SERGEF: variants seen among roughly 807,000 people sequenced by gnomAD.
SERGEF encodes secretion-regulating guanine nucleotide exchange factor.
Under a neutral mutation model 50.0 loss-of-function variants are expected in SERGEF, and 51 were observed. The ratio of observed to expected loss-of-function variants is 1.02; its 90% CI spans 0.81 to 1.29. The LOEUF (loss-of-function observed/expected upper bound fraction) is 1.29, where lower values mean the gene tolerates loss of function less well. Among genes scored for constraint, SERGEF ranks in the 50% most tolerant of loss-of-function variants. The pLI is 0.00. For synonymous variants in SERGEF, 205 were observed against 212.4 expected, an observed-to-expected ratio of 0.97 and a Z score of 0.30; for missense variants, 521 against 557.0, an observed-to-expected ratio of 0.94 and a Z score of 0.65.
intron 9 of SERGEF, among the ~76,000 whole-genome samples, chr11:17,897,695 G>A (rs1590184834): frequency 6.6e-6 from 1 of 152,298 alleles, no homozygotes; most frequent in Middle Eastern, 3.4e-3. Flanking sequence ...CTAATTTATA[G>A]TGATAGAAAG....
intron 10 of SERGEF, among the ~76,000 whole-genome samples, chr11:17,827,114 G>A (rs929586555): frequency 6.6e-6 from 1 of 152,254 alleles, no homozygotes; most frequent in African/African-American, 2.4e-5. Context: ...GTAGGGGGTA[G>A]AAAGGTCAGA....
At chr11:17,933,715 C>CA (rs5790009) in intron 9 of SERGEF, among the ~76,000 whole-genome samples, 32,869 of 140,058 alleles carry the variant, frequency 0.23, 4,108 homozygotes, top group African/African-American at 0.37. Flanking sequence ...TTAAATTAGG[C>CA]AAAAAAAAAA....
chr11:17,959,540 G>A lies in SERGEF; in HGVS notation c.941C>T (p.Ser314Leu), dbSNP rs142284141. ...YEGWKLEKQD[S>L]FLPCSRPPNS... Reference sequence around the variant, plus strand: ...CGGTGGTCTTGAACAGGGGAGAAATGAATCTTGCTTTTCTAGTTTCCAGCC... The same window carrying A: ...CGGTGGTCTTGAACAGGGGAGAAATAAATCTTGCTTTTCTAGTTTCCAGCC... The change falls in exon 9 of 11, where the codon TCA (serine) becomes TTA (leucine). Residue 314 changes from serine to leucine, a missense_variant. Transcript: ENST00000265965. 1 of 1,613,964 alleles carries A rather than the reference G, an allele frequency of 6.2e-7. No homozygotes were observed. Among genetic ancestry groups the A allele is most frequent in the Admixed American group, 1.7e-5 (1 of 60,004 alleles).
chr11:17,800,364 A>G (rs755336282), intron 10 of SERGEF, among the ~76,000 whole-genome samples: 1 of 152,182 alleles, frequency 6.6e-6, no homozygotes, highest in Non-Finnish European at 1.5e-5. Context: ...TACGGGTTTG[A>G]CAAATGTATA....
chr11:17,935,312 C>T (rs1238147036), intron 9 of SERGEF, among the ~76,000 whole-genome samples: 2 of 152,100 alleles, frequency 1.3e-5, no homozygotes, highest in Non-Finnish European at 2.9e-5. Context: ...CATGTCTCCA[C>T]ACACAAAAAA....
chr11:17,815,273 C>G (rs1369263572), intron 10 of SERGEF, among the ~76,000 whole-genome samples: 1 of 151,970 alleles, frequency 6.6e-6, no homozygotes, highest in Non-Finnish European at 1.5e-5. Context: ...GGGTTTTGAT[C>G]TATATAAATA....
chr11:17,958,254 G>C (rs1458636021), intron 9 of SERGEF, among the ~76,000 whole-genome samples: 2 of 152,160 alleles, frequency 1.3e-5, no homozygotes, highest in Non-Finnish European at 2.9e-5. Context: ...TATGAAGAGG[G>C]TTGTCATTAG....
At chr11:17,795,524 C>T (rs1037497317) in intron 10 of SERGEF, among the ~76,000 whole-genome samples, 16 of 152,166 alleles carry the variant, frequency 1.1e-4, no homozygotes, top group African/African-American at 3.9e-4. Context: ...GTCTCCACAG[C>T]ACCTATGAGA....
intron 9 of SERGEF, among the ~76,000 whole-genome samples, chr11:17,899,258 AT>A (rs1851701676): frequency 6.6e-6 from 1 of 152,196 alleles, no homozygotes; most frequent in Non-Finnish European, 1.5e-5. Context: ...TTCCATTTTA[AT>A]TAATAATTTG....
intron 10 of SERGEF, among the ~76,000 whole-genome samples, chr11:17,874,690 G>A (rs1265600112): frequency 1.3e-5 from 2 of 152,200 alleles, no homozygotes; most frequent in Non-Finnish European, 2.9e-5. Flanking sequence ...CTGGGACAAT[G>A]AATAGCAGAA....
chr11:17,952,464 A>G (rs1209253094), intron 9 of SERGEF, among the ~76,000 whole-genome samples: 2 of 152,124 alleles, frequency 1.3e-5, no homozygotes, highest in African/African-American at 4.8e-5. Context: ...GCCCCTTCAC[A>G]GTGACCTCAA....
At chr11:17,843,000 C>T (rs1022168188) in intron 10 of SERGEF, among the ~76,000 whole-genome samples, 1 of 152,218 alleles carries the variant, frequency 6.6e-6, no homozygotes, top group Admixed American at 6.5e-5. Context: ...CAAGCCCAGA[C>T]ATCAAGCCTG....
intron 9 of SERGEF, among the ~76,000 whole-genome samples, chr11:17,925,174 C>A (rs1852227710): frequency 6.6e-6 from 1 of 151,870 alleles, no homozygotes; most frequent in African/African-American, 2.4e-5. Flanking sequence ...CTTTGCTCTA[C>A]ATGACTAGGC....
At chr11:17,998,432 C>CAT (rs1853883347) in intron 5 of SERGEF, among the ~76,000 whole-genome samples, 2 of 55,880 alleles carry the variant, frequency 3.6e-5, no homozygotes, top group African/African-American at 1.4e-4. Context: ...TACATACATA[C>CAT]ATACATACAT....
chr11:17,988,342 C>T (rs948075439), intron 8 of SERGEF, among the ~76,000 whole-genome samples: 2 of 152,180 alleles, frequency 1.3e-5, no homozygotes, highest in African/African-American at 4.8e-5. Context: ...GCAATGGATC[C>T]CTTCTCAAAA....
intron 10 of SERGEF, among the ~76,000 whole-genome samples, chr11:17,862,313 T>C (rs1274568724): frequency 1.3e-5 from 2 of 152,152 alleles, no homozygotes; most frequent in Non-Finnish European, 2.9e-5. Flanking sequence ...AGCCTCAAAG[T>C]GAGAGAGCTA....
At chr11:17,846,204 T>C (rs1850608165) in intron 10 of SERGEF, among the ~76,000 whole-genome samples, 1 of 152,206 alleles carries the variant, frequency 6.6e-6, no homozygotes, top group Non-Finnish European at 1.5e-5. Flanking sequence ...TCCTTCGTGC[T>C]GTGCATAATG....
At chr11:17,824,946 C>T (rs767657274) in intron 10 of SERGEF, among the ~76,000 whole-genome samples, 37 of 152,276 alleles carry the variant, frequency 2.4e-4, no homozygotes, top group East Asian at 5.8e-4. Context: ...ATATTATTTC[C>T]GATGTCTAGC....
intron 10 of SERGEF, chr11:17,853,402 G>T (rs1850749008): frequency 6.6e-6 from 1 of 152,170 alleles, no homozygotes; most frequent in Non-Finnish European, 1.5e-5. Context: ...GTTATCTGTA[G>T]ACCTGTTAAG....
Sources: allele counts gnomAD v4.1 joint callset (sites outside exome capture counted in the v4.1 genomes callset), GRCh38; gene constraint gnomAD v4.1.1; transcripts MANE v1.5; gene names NCBI Gene and HGNC (gene_info 2026-07-23, HGNC 2026-07-21).